Variants in FDXR observed in about 807,000 individuals in gnomAD.
The protein encoded by FDXR is ferredoxin reductase, also known as NADPH:adrenodoxin oxidoreductase, mitochondrial.
A neutral mutation model predicts 58.3 loss-of-function variants in FDXR; 38 were observed. The observed-to-expected ratio is 0.65, with a 90% CI of 0.50 to 0.85. FDXR has a LOEUF of 0.85. Among genes scored for constraint, FDXR ranks in the 40% least tolerant of loss-of-function variants. FDXR has a pLI of 0.00. For synonymous variants in FDXR, 275 were observed against 273.8 expected, an observed-to-expected ratio of 1.00 and a Z score of -0.04; for missense variants, 624 against 671.0, an observed-to-expected ratio of 0.93 and a Z score of 0.77.
At chr17:74,872,714 C>T in intron 1 of FDXR, 152 bp downstream of exon 1, 1 of 1,484,062 alleles carries the variant, frequency 6.7e-7, no homozygotes, top group South Asian at 1.2e-5. Flanking sequence ...GATCTCCGCC[C>T]ACCCCCGTAC....
At chr17:74,863,306 C>G in intron 10 of FDXR, 60 bp from the exon 11 acceptor site, 1 of 1,527,570 alleles carries the variant, frequency 6.5e-7, no homozygotes, top group Non-Finnish European at 8.9e-7. Flanking sequence ...CCTGGCCATC[C>G]TGTGCCCACA....
Position 74,864,859 on chromosome 17 carries a change from G to A in FDXR, c.682C>T (p.Arg228Trp), listed in dbSNP as rs377677821. The change falls in exon 7 of 12, where the codon CGG becomes TGG. Residue 228 changes from arginine to tryptophan, a missense_variant. By Grantham distance (101) the Arg-to-Trp change is moderately radical (BLOSUM62 -3). Transcript: ENST00000293195. ...AAGGCCACTTGCAGGGGTCCACGCC[G>A]GCCCACTAGCCACACTGTCTTCACT... Reference protein sequence around the residue: ...SRVKTVWLVGRRGPLQVAFTI... With the variant: ...SRVKTVWLVGWRGPLQVAFTI... The A allele has an allele frequency of 1.4e-5, 23 of 1,613,864 alleles. No homozygotes were observed. The highest frequency in any genetic ancestry group is 5.3e-5 in the African/African-American group (4 of 74,862).
In FDXR at chr17:74,862,912, G is replaced by A; in HGVS notation, c.1381C>T (p.Leu461=). Residue 461 remains leucine (L), a synonymous_variant, in exon 12 of 12, where the codon CTG becomes TTG. Coordinates refer to ENST00000293195, the MANE Select transcript of FDXR (RefSeq NM_024417.5). Reference sequence around the variant, plus strand: ...CCCCGGGCCACCTCCTCGGCATCCAGCTTCTCCCAGTCTGAGAAAGAGACT... The same window carrying A: ...CCCCGGGCCACCTCCTCGGCATCCAACTTCTCCCAGTCTGAGAAAGAGACT... ...RPVSFSDWEK[L]DAEEVARGQG... The A allele has an allele frequency of 6.2e-7, 1 of 1,612,978 alleles. No individual in the cohort carries two copies. The highest frequency in any genetic ancestry group is 8.5e-7 in the Non-Finnish European group (1 of 1,180,004).
chr17:74,866,470 C>T lies in FDXR; in HGVS notation c.369G>A (p.Gln123=). The T allele has an allele frequency of 3.7e-6, 6 of 1,613,340 alleles. No homozygotes were observed. Among genetic ancestry groups the T allele is most frequent in the Non-Finnish European group, 5.1e-6 (6 of 1,179,828 alleles). Residue 123 remains glutamine (Q), a synonymous_variant, in exon 4 of 12, where the codon CAG becomes CAA. Coordinates refer to ENST00000293195, the MANE Select transcript of FDXR (RefSeq NM_024417.5). ...CCAGCACCACAGCGTGGTAGGCCTC[C>T]TGCAGCTCCGGCACCGTCACGTCCC... The part of the protein sequence containing the change: ...VGRDVTVPEL[Q]EAYHAVVLSY...
At position 74,864,130 on chromosome 17, in the gene FDXR, G is replaced by A; in HGVS notation, c.1002+18C>T. The A allele has an allele frequency of 6.2e-7, 1 of 1,613,110 alleles. No individual in the cohort carries two copies. The highest frequency in any genetic ancestry group is 8.5e-7 in the Non-Finnish European group (1 of 1,179,994). ...AGAGGCCTGGGAAGGGGGTGTCTTT[G>A]GGAAACATGAGACTCACCTCCAGTC... On this transcript the variant is annotated intron_variant, in intron 9 of 11. Transcript: ENST00000293195.
chr17:74,865,644 A>T, intron 6 of FDXR, 75 bp downstream of exon 6: 1 of 1,031,788 alleles, frequency 9.7e-7, no homozygotes, highest in Non-Finnish European at 1.5e-6. Context: ...GTAAGGCCTG[A>T]ACCCTGCAGA....
chr17:74,868,995 C>A (rs975054262), intron 2 of FDXR, among the ~76,000 whole-genome samples: 2 of 152,084 alleles, frequency 1.3e-5, no homozygotes, highest in South Asian at 2.1e-4. Flanking sequence ...GTTCCCTCGA[C>A]CCCATCCACT....
In FDXR at chr17:74,871,914, A is replaced by C. The variant is rs796903684; in HGVS notation, c.177+122T>G. 3.0e-5 allele frequency: 20 copies of C among 670,760 alleles called. 2 individuals are homozygous for C. The African/African-American group carries it at 3.7e-4, about 12-fold the overall frequency. The allele number at this position is 670,760 out of a possible 1,614,324, so 41.6% of individuals were successfully genotyped here. A position where few individuals can be genotyped will look rare whatever the true frequency, so the allele number is the denominator to read the frequency against. ...GAAGCAAGTGGGAAGTGTCCAGGCC[A>C]GATGGCTGGGAGCCCCTTCCCCATA... On this transcript the variant is annotated intron_variant, in intron 2 of 11. Transcript: ENST00000293195.
At chr17:74,869,756 A>G (rs2038310043) in intron 2 of FDXR, among the ~76,000 whole-genome samples, 1 of 152,190 alleles carries the variant, frequency 6.6e-6, no homozygotes, top group Admixed American at 6.5e-5. Flanking sequence ...CCTCGAGCAC[A>G]GGGACCACGT....
chr17:74,869,992 G>A (rs1424784579), intron 2 of FDXR: 3 of 452,960 alleles, frequency 6.6e-6, no homozygotes, highest in South Asian at 4.7e-5. Flanking sequence ...AGGTTGTCAT[G>A]AGGATGCTAC....
chr17:74,867,340 G>A (rs914574951), intron 2 of FDXR, among the ~76,000 whole-genome samples: 2 of 144,192 alleles, frequency 1.4e-5, no homozygotes, highest in African/African-American at 2.6e-5. Context: ...AAAAGACGAC[G>A]ACGGCCGGCC....
At position 74,866,580 on chromosome 17, in the gene FDXR, C is replaced by T. The variant is rs766656876; in HGVS notation, c.271-12G>A. Reference sequence around the variant, plus strand: ...GTGTTGATGACATTCTGCCAGGTCCCCCGGGAATGGGAGGGGTTAGAGGGT... The same window carrying T: ...GTGTTGATGACATTCTGCCAGGTCCTCCGGGAATGGGAGGGGTTAGAGGGT... On this transcript the variant is annotated splice_polypyrimidine_tract_variant and intron_variant, in intron 3 of 11. Transcript: ENST00000293195. The T allele has an allele frequency of 6.2e-7, 1 of 1,613,472 alleles. No individual in the cohort carries two copies. Among genetic ancestry groups the T allele is most frequent in the Non-Finnish European group, 8.5e-7 (1 of 1,180,014 alleles).
At chr17:74,872,715 AC>A in intron 1 of FDXR, 150 bp downstream of exon 1, 1 of 1,484,224 alleles carries the variant, frequency 6.7e-7, no homozygotes, top group Non-Finnish European at 9.0e-7. Context: ...ATCTCCGCCC[AC>A]CCCCGTACAC....
intron 11 of FDXR, 57 bp from the exon 12 acceptor site, chr17:74,863,004 C>G: frequency 6.2e-7 from 1 of 1,603,648 alleles, no homozygotes; most frequent in Non-Finnish European, 8.5e-7. Context: ...AGAACAGCCC[C>G]CTCCCAAAGA....
Position 74,866,137 on chromosome 17 carries a change from G to A in FDXR, c.501C>T (p.Asn167=). Residue 167 remains asparagine, a synonymous_variant, in exon 5 of 12, where the codon AAC becomes AAT. Transcript: ENST00000293195. The part of the protein sequence containing the change: ...FVGWYNGLPE[N]QELEPDLSCD... The stretch of plus-strand genomic sequence containing the variant: ...GCGTGCTCCCCATACTCACCTCCTG[G>A]TTCTCAGGAAGCCCGTTGTACCAGC... 6.2e-7 allele frequency: 1 copy of A among 1,611,002 alleles called. No individual in the cohort carries two copies. The highest frequency in any genetic ancestry group is 8.5e-7 in the Non-Finnish European group (1 of 1,177,754).
chr17:74,863,853 CT>C, intron 10 of FDXR, 42 bp downstream of exon 10: 4 of 1,581,896 alleles, frequency 2.5e-6, no homozygotes, highest in Non-Finnish European at 3.4e-6. Context: ...GCTTCTCGGC[CT>C]CTCACCATAA....
Position 74,871,181 on chromosome 17 carries a change from G to A in FDXR, c.177+855C>T, listed in dbSNP as rs571532346. Among the ~76,000 whole-genome samples the A allele has an allele frequency of 6.6e-5, 10 of 152,254 alleles. No homozygotes were observed. The South Asian group carries it at 1.9e-3, about 28-fold the overall frequency. ...ATTATTGTAATTAGCTCTTTCACCCGTGTTGCCTGGGAAGCATGCACGGGT... is the reference window on the plus strand; with the variant it reads ...ATTATTGTAATTAGCTCTTTCACCCATGTTGCCTGGGAAGCATGCACGGGT... On this transcript the variant is annotated intron_variant, in intron 2 of 11. Transcript: ENST00000293195.
intron 5 of FDXR, 106 bp from the exon 6 acceptor site, chr17:74,865,926 C>T: frequency 2.0e-6 from 2 of 987,286 alleles, no homozygotes; most frequent in Non-Finnish European, 3.1e-6. Flanking sequence ...GGGGCTTCCC[C>T]ACACCGGGAA....
intron 2 of FDXR, among the ~76,000 whole-genome samples, chr17:74,870,696 A>G (rs2038347532): frequency 6.6e-6 from 1 of 151,424 alleles, no homozygotes; most frequent in Admixed American, 6.6e-5. Context: ...CCCACATGGC[A>G]GCGTGCCCAA....
Sources: allele counts gnomAD v4.1 joint callset (sites outside exome capture counted in the v4.1 genomes callset), GRCh38; gene constraint gnomAD v4.1.1; transcripts MANE v1.5; gene names NCBI Gene and HGNC (gene_info 2026-07-23, HGNC 2026-07-21).